The following MCMBP variants were observed in gnomAD, a reference collection of about 807,000 sequenced individuals.
MCMBP encodes the protein minichromosome maintenance complex binding protein, also known as mini-chromosome maintenance complex-binding protein.
In MCMBP, 31 loss-of-function variants were observed where a neutral mutation model predicts 81.3. The ratio of observed to expected loss-of-function variants is 0.38; its 90% CI spans 0.29 to 0.51. The LOEUF (loss-of-function observed/expected upper bound fraction) is 0.51. Among genes scored for constraint, MCMBP ranks in the 20% least tolerant of loss-of-function variants. MCMBP has a pLI of 0.87. For synonymous variants in MCMBP, 267 were observed against 275.9 expected, an observed-to-expected ratio of 0.97 and a Z score of 0.32; for missense variants, 645 against 772.1, an observed-to-expected ratio of 0.84 and a Z score of 1.95.
chr10:119,852,799 AAGACCTTTCCAGATAGTCACTTG>A (rs1370116521), intron 6 of MCMBP, among the ~76,000 whole-genome samples: 5 of 152,236 alleles, frequency 3.3e-5, no homozygotes, highest in Non-Finnish European at 7.3e-5. Context: ...GAAGATAGAA[AAGACCTTTCCAGATAGTCACTTG>A]AGACTCCAAA....
At chr10:119,862,661 G>A (rs1413171817) in intron 1 of MCMBP, among the ~76,000 whole-genome samples, 5 of 152,134 alleles carry the variant, frequency 3.3e-5, no homozygotes, top group Non-Finnish European at 7.3e-5. Context: ...GTGTCTGCAG[G>A]TTTTCATGTG....
At chr10:119,835,729 A>G (rs1437017071) in intron 13 of MCMBP, 25 bp from the exon 14 acceptor site, 1 of 1,611,086 alleles carries the variant, frequency 6.2e-7, no homozygotes, top group East Asian at 2.2e-5. Context: ...AGTACACTGT[A>G]TTTTCTGAGT....
chr10:119,834,705 C>CA (rs1852173647), intron 14 of MCMBP, among the ~76,000 whole-genome samples: 1 of 151,122 alleles, frequency 6.6e-6, no homozygotes, highest in African/African-American at 2.4e-5. Flanking sequence ...ACCCAAAAAA[C>CA]AAAGAATTAG....
At chr10:119,854,924 A>G (rs539017625) in intron 5 of MCMBP, among the ~76,000 whole-genome samples, 10 of 151,580 alleles carry the variant, frequency 6.6e-5, no homozygotes, top group African/African-American at 2.4e-4. Context: ...ACTGCACTCC[A>G]GCCTGGTGAC....
rs189895626 is a variant in MCMBP, at chr10:119,831,366, T to C, written c.*108A>G. On this transcript the variant is annotated 3_prime_UTR_variant, in exon 16 of 16. Transcript: ENST00000369077. Reference sequence around the variant, plus strand: ...CAGGCTTGATTTCAGGAAATGTCACTGGTTTGTGATAGAAATTACCTATAA... The same window carrying C: ...CAGGCTTGATTTCAGGAAATGTCACCGGTTTGTGATAGAAATTACCTATAA... 4.1e-5 allele frequency: 56 copies of C among 1,355,702 alleles called. No individual in the cohort carries two copies. The African/African-American group carries it at 7.4e-4, about 18-fold the overall frequency. The allele number at this position is 1,355,702 out of a possible 1,614,324, so 84.0% of individuals were successfully genotyped here. A position where few individuals can be genotyped will look rare whatever the true frequency, so the allele number is the denominator to read the frequency against.
intron 14 of MCMBP, among the ~76,000 whole-genome samples, chr10:119,833,145 T>C (rs1421782300): frequency 6.6e-6 from 1 of 152,184 alleles, no homozygotes; most frequent in Non-Finnish European, 1.5e-5. Context: ...TTTAAGGAAA[T>C]TTCTTTCCAA....
rs757838339 is a variant in MCMBP at position 119,842,487 on chromosome 10, T to C, written c.1109A>G (p.His370Arg). 6.2e-7 allele frequency: 1 copy of C among 1,613,378 alleles called. No individual in the cohort carries two copies. Among genetic ancestry groups the C allele is most frequent in the Non-Finnish European group, 8.5e-7 (1 of 1,179,604 alleles). ...CAGCACTTACACTGTGGAGATGAGA[T>C]GTAATATAAGGTATTCAGCAGCCAA... ...DSLAAEYLILHLISTVYTRRD... is the reference protein window; with the variant it reads ...DSLAAEYLILRLISTVYTRRD... The change falls in exon 10 of 16, where the codon CAT becomes CGT. Residue 370 changes from histidine (H) to arginine (R), a missense_variant. Coordinates refer to ENST00000369077, the MANE Select transcript of MCMBP (RefSeq NM_001256378.2).
rs1346664285 is a variant in MCMBP at position 119,832,395 on chromosome 10, A to G, written c.1708-295T>C. ...AATGGCAGAGAAGGGACCGCAGAAA[A>G]CTGTCTCTACTGTTAACACTGATCA... On this transcript the variant is annotated intron_variant, in intron 14 of 15. Coordinates refer to ENST00000369077, the MANE Select transcript of MCMBP (RefSeq NM_001256378.2). Among the ~76,000 whole-genome samples, 4 of 152,190 alleles carry G rather than the reference A, an allele frequency of 2.6e-5. No homozygotes were observed. The East Asian group carries it at 7.7e-4, about 29-fold the overall frequency.
In MCMBP at chr10:119,854,252, G is replaced by A. The variant is rs375387833; in HGVS notation, c.430-1058C>T. The stretch of plus-strand genomic sequence containing the variant: ...AGACAGAGTATTGCCATGTTGGCCA[G>A]GTTGGTCTCAAACTCCTGGCCTCAA... On this transcript the variant is annotated intron_variant, in intron 5 of 15. Transcript: ENST00000369077. Among the ~76,000 whole-genome samples the A allele has an allele frequency of 1.4e-4, 22 of 151,872 alleles. No homozygotes were observed. In the South Asian group the frequency reaches 4.6e-3, roughly 32 times the overall value.
chr10:119,852,752 G>C (rs978960262), intron 6 of MCMBP, among the ~76,000 whole-genome samples: 8 of 152,186 alleles, frequency 5.3e-5, no homozygotes, highest in Non-Finnish European at 1.0e-4. Context: ...CTCATTTTTA[G>C]GGTAAAGTAC....
At chr10:119,863,780 A>G (rs2134400892) in intron 1 of MCMBP, among the ~76,000 whole-genome samples, 1 of 144,954 alleles carries the variant, frequency 6.9e-6, no homozygotes, top group South Asian at 2.2e-4. Flanking sequence ...ACGAAGACAC[A>G]GGAATAAACC....
At chr10:119,850,274 G>A (rs61869093) in intron 6 of MCMBP, among the ~76,000 whole-genome samples, 7,924 of 152,272 alleles carry the variant, frequency 0.052, 343 homozygotes, top group South Asian at 0.19. Flanking sequence ...TTCTTAAAAT[G>A]ACAAAATTAT....
At chr10:119,864,006 TA>T (rs528533846) in intron 1 of MCMBP, among the ~76,000 whole-genome samples, 102 of 144,726 alleles carry the variant, frequency 7.0e-4, no homozygotes, top group East Asian at 2.6e-3. Flanking sequence ...CAGTTGAACT[TA>T]AAAAAAAAAA....
intron 6 of MCMBP, among the ~76,000 whole-genome samples, chr10:119,851,762 CTT>C (rs1384169008): frequency 6.6e-6 from 1 of 152,090 alleles, no homozygotes; most frequent in African/African-American, 2.4e-5. Context: ...TAAAATATAT[CTT>C]AGCATTAAGA....
chr10:119,847,545 G>A, intron 8 of MCMBP, 68 bp downstream of exon 8: 2 of 917,218 alleles, frequency 2.2e-6, no homozygotes, highest in South Asian at 1.7e-5. Flanking sequence ...AAACCATCCT[G>A]TAACTCTCCT....
intron 6 of MCMBP, among the ~76,000 whole-genome samples, chr10:119,852,372 T>G (rs1852864139): frequency 6.6e-6 from 1 of 152,148 alleles, no homozygotes; most frequent in African/African-American, 2.4e-5. Flanking sequence ...AGAAATCCAC[T>G]GCTTATAAAA....
chr10:119,843,482 A>C lies in MCMBP; in HGVS notation c.828-56T>G. The C allele has an allele frequency of 2.6e-6, 4 of 1,538,332 alleles. No individual in the cohort carries two copies. In the East Asian group the frequency reaches 9.2e-5, roughly 35 times the overall value. On this transcript the variant is annotated intron_variant, in intron 8 of 15. Transcript: ENST00000369077. ...AGAGACATCAATTGCACAGATGCAA[A>C]AATAATGTGCATCTTGGAAAACAAA... is the stretch of plus-strand genomic sequence containing the variant.
rs1240441556 is a variant in MCMBP at position 119,868,968 on chromosome 10, G to T, written c.58+3559C>A. ...CAAGGCAAGGGTGGAGCCAACAAGG[G>T]CCTCATAAACCACTTTAAAAGTCCT... On this transcript the variant is annotated intron_variant, in intron 1 of 15. Transcript: ENST00000369077. Among the ~76,000 whole-genome samples, 3 of 152,292 alleles carry T rather than the reference G, an allele frequency of 2.0e-5. No homozygotes were observed. In the East Asian group the frequency reaches 5.8e-4, roughly 29 times the overall value.
At chr10:119,853,371 T>C (rs1402826467) in intron 5 of MCMBP, among the ~76,000 whole-genome samples, 177 bp from the exon 6 acceptor site, 1 of 152,244 alleles carries the variant, frequency 6.6e-6, no homozygotes, top group East Asian at 1.9e-4. Context: ...ATCAACCTTA[T>C]GCTGCTATCC....
Sources: allele counts gnomAD v4.1 joint callset (sites outside exome capture counted in the v4.1 genomes callset), GRCh38; gene constraint gnomAD v4.1.1; transcripts MANE v1.5; gene names NCBI Gene and HGNC (gene_info 2026-07-23, HGNC 2026-07-21).